SLC6A8: variants seen among roughly 807,000 people sequenced by gnomAD.
SLC6A8 encodes sodium- and chloride-dependent creatine transporter 1.
Under a neutral mutation model 48.3 loss-of-function variants are expected in SLC6A8, and 6 were observed. The ratio of observed to expected loss-of-function variants is 0.12; its 90% CI spans 0.07 to 0.25. SLC6A8 has a LOEUF of 0.25. Among genes scored for constraint, SLC6A8 ranks in the 10% least tolerant of loss-of-function variants. The pLI, the probability that SLC6A8 is intolerant of heterozygous loss-of-function variation, is 1.00. For missense variants in SLC6A8, 260 were observed against 551.5 expected (o/e 0.47, Z 5.29); for synonymous variants, 245 against 244.0 (o/e 1.00, Z -0.04).
chrX:153,695,433 C>G lies in SLC6A8; in HGVS notation c.*219C>G. 2.3e-6 allele frequency: 1 copy of G among 440,987 alleles called. No individual in the cohort carries two copies. Among genetic ancestry groups the G allele is most frequent in the Non-Finnish European group, 4.0e-6 (1 of 250,214 alleles). The allele number at this position is 440,987 out of a possible 1,213,427, so 36.3% of individuals were successfully genotyped here. On this transcript the variant is annotated 3_prime_UTR_variant, in exon 13 of 13. Coordinates refer to ENST00000253122, the MANE Select transcript of SLC6A8 (RefSeq NM_005629.4). ...CCCACCAAAAATAGATGCCTCTCCC[C>G]CTCCAGCCCTAGCCGAGCTGGTCCT...
In SLC6A8 at chrX:153,694,905, G is replaced by A. The variant is rs781867197; in HGVS notation, c.1767+16G>A. The A allele has an allele frequency of 2.7e-4, 98 of 364,089 alleles. No homozygotes were observed. The highest frequency in any genetic ancestry group is 3.6e-4 in the Non-Finnish European group (84 of 230,525). The allele number at this position is 364,089 out of a possible 1,213,427, so 30.0% of individuals were successfully genotyped here. A position where few individuals can be genotyped will look rare whatever the true frequency, so the allele number is the denominator to read the frequency against. On this transcript the variant is annotated intron_variant, in intron 12 of 12. Coordinates refer to ENST00000253122, the MANE Select transcript of SLC6A8 (RefSeq NM_005629.4). ...CATGGCTGAGGTAAGGCTCCCGCCC[G>A]GCCCGCCCTCCCCTCCCCTGCTGTG... is the stretch of plus-strand genomic sequence containing the variant.
At chrX:153,688,954 G>A in intron 1 of SLC6A8, 118 bp downstream of exon 1, 1 of 285,282 alleles carries the variant, frequency 3.5e-6, no homozygotes, top group African/African-American at 2.9e-5. Flanking sequence ...GGGCACGCGG[G>A]GGTCGGGGCC....
In SLC6A8 at chrX:153,696,059, A is replaced by G. The variant is rs2091489835; in HGVS notation, c.*845A>G. On this transcript the variant is annotated 3_prime_UTR_variant, in exon 13 of 13. Transcript: ENST00000253122. ...CTTACCCCTCTGCCCCTAGCCAAGG[A>G]GTGTGAATTTATAGATCTAACTTTC... 1 of 167,075 alleles carries G rather than the reference A, an allele frequency of 6.0e-6. No individual in the cohort carries two copies. Among genetic ancestry groups the G allele is most frequent in the African/African-American group, 3.1e-5 (1 of 32,401 alleles). 13.8% of individuals were successfully genotyped at this position (167,075 alleles called of 1,213,427 possible).
chrX:153,690,683 T>C (rs2091450357), intron 2 of SLC6A8, 177 bp downstream of exon 2: 1 of 519,239 alleles, frequency 1.9e-6, no homozygotes, highest in East Asian at 3.8e-5. Context: ...AAGCGGGGAC[T>C]AGAGGGGGCA....
chrX:153,688,584 A>G lies in SLC6A8; in HGVS notation c.10A>G (p.Lys4Glu). The G allele has an allele frequency of 1.9e-6, 2 of 1,037,112 alleles. No individual in the cohort carries two copies. Among genetic ancestry groups the G allele is most frequent in the Non-Finnish European group, 2.5e-6 (2 of 802,971 alleles). 85.5% of individuals were successfully genotyped at this position (1,037,112 alleles called of 1,213,427 possible). MAK[K>E]SAENGIYSVS... is the part of the protein sequence containing the mutation. ...GCGGCCCGCCGAGGCCATGGCGAAG[A>G]AGAGCGCCGAGAACGGCATCTATAG... The change falls in exon 1 of 13, where the codon AAG becomes GAG. Residue 4 changes from lysine (K) to glutamate (E), a missense_variant. Lys to Glu is a moderately conservative substitution (Grantham distance 56). Coordinates refer to ENST00000253122, the MANE Select transcript of SLC6A8 (RefSeq NM_005629.4).
chrX:153,695,047 G>A (rs1557045804), intron 12 of SLC6A8, 27 bp from the exon 13 acceptor site: 1 of 1,190,168 alleles, frequency 8.4e-7, no homozygotes, highest in Admixed American at 2.3e-5. Context: ...GACCCTGGGG[G>A]CTTCAGCATG....
intron 2 of SLC6A8, 107 bp downstream of exon 2, chrX:153,690,613 C>T (rs1178182487): frequency 1.9e-5 from 17 of 900,427 alleles, no homozygotes; most frequent in East Asian, 3.4e-5. Flanking sequence ...CACGTGATGG[C>T]GTCCCAGTCT....
At position 153,695,414 on chromosome X, in the gene SLC6A8, A is replaced by C. The variant is rs2091484755; in HGVS notation, c.*200A>C. The C allele has an allele frequency of 2.2e-6, 1 of 460,658 alleles. No individual in the cohort carries two copies. Among genetic ancestry groups the C allele is most frequent in the Non-Finnish European group, 3.8e-6 (1 of 262,313 alleles). The allele number at this position is 460,658 out of a possible 1,213,427, so 38.0% of individuals were successfully genotyped here. On this transcript the variant is annotated 3_prime_UTR_variant, in exon 13 of 13. Coordinates refer to ENST00000253122, the MANE Select transcript of SLC6A8 (RefSeq NM_005629.4). ...AACGCCAAAAATATCACAACCCACC[A>C]AAAATAGATGCCTCTCCCCCTCCAG... is the stretch of plus-strand genomic sequence containing the variant.
Position 153,696,355 on chromosome X carries a change from G to C in SLC6A8, c.*1141G>C. 2 of 331,278 alleles carry C rather than the reference G, an allele frequency of 6.0e-6. No individual in the cohort carries two copies. Among genetic ancestry groups the C allele is most frequent in the Non-Finnish European group, 1.2e-5 (2 of 169,879 alleles). The allele number at this position is 331,278 out of a possible 1,213,427, so 27.3% of individuals were successfully genotyped here. On this transcript the variant is annotated 3_prime_UTR_variant, in exon 13 of 13. Coordinates refer to ENST00000253122, the MANE Select transcript of SLC6A8 (RefSeq NM_005629.4). ...ACCCTGGACACGGCTCCCACGTCCA[G>C]GCTTAAGGTGGATGCACTTCCCGCA...
rs782777409 is a variant in SLC6A8, at chrX:153,688,781, C to T, written c.207C>T (p.Ala69=). 3 of 1,140,918 alleles carry T rather than the reference C, an allele frequency of 2.6e-6. No homozygotes were observed. Among genetic ancestry groups the T allele is most frequent in the Admixed American group, 2.5e-5 (1 of 39,810 alleles). The allele number at this position is 1,140,918 out of a possible 1,213,427, so 94.0% of individuals were successfully genotyped here. Residue 69 remains alanine (A), a synonymous_variant, in exon 1 of 13, where the codon GCC becomes GCT. Transcript: ENST00000253122. The part of the protein sequence containing the change: ...MDFIMSCVGF[A]VGLGNVWRFP... ...TCATCATGTCGTGCGTGGGCTTCGC[C>T]GTGGGCTTGGGCAACGTGTGGCGCT...
Position 153,693,531 on chromosome X carries a change from C to A in SLC6A8, c.1086C>A (p.Ile362=). Residue 362 remains isoleucine, a synonymous_variant, in exon 7 of 13, where the codon ATC becomes ATA. Transcript: ENST00000253122. The part of the protein sequence containing the change: ...SFFAGFVVFS[I]LGFMAAEQGV... ...TTGCTGGCTTCGTGGTCTTCTCCAT[C>A]CTGGGCTTCATGGCTGCAGAGCAGG... 2.5e-6 allele frequency: 3 copies of A among 1,210,816 alleles called. No homozygotes were observed. The highest frequency in any genetic ancestry group is 3.5e-5 in the African/African-American group (2 of 57,831).
chrX:153,695,339 G>A lies in SLC6A8; in HGVS notation c.*125G>A, dbSNP rs1947589701. On this transcript the variant is annotated 3_prime_UTR_variant, in exon 13 of 13. Transcript: ENST00000253122. Reference sequence around the variant, plus strand: ...TTGGGGTCTGCCTGGGGGAGGAGGGGAGAAAGCACCATGAGTGCTCACTAA... The same window carrying A: ...TTGGGGTCTGCCTGGGGGAGGAGGGAAGAAAGCACCATGAGTGCTCACTAA... The A allele has an allele frequency of 1.4e-6, 1 of 720,865 alleles. No individual in the cohort carries two copies. Among genetic ancestry groups the A allele is most frequent in the Non-Finnish European group, 2.1e-6 (1 of 471,304 alleles). 59.4% of individuals were successfully genotyped at this position (720,865 alleles called of 1,213,427 possible).
Position 153,688,670 on chromosome X carries a change from C to A in SLC6A8, c.96C>A (p.Ala32=). The A allele has an allele frequency of 9.2e-7, 1 of 1,087,036 alleles. No individual in the cohort carries two copies. The highest frequency in any genetic ancestry group is 3.3e-5 in the Admixed American group (1 of 30,112). 89.6% of individuals were successfully genotyped at this position (1,087,036 alleles called of 1,213,427 possible). Residue 32 remains alanine (A), a synonymous_variant, in exon 1 of 13, where the codon GCC becomes GCA. Coordinates refer to ENST00000253122, the MANE Select transcript of SLC6A8 (RefSeq NM_005629.4). The part of the protein sequence containing the change: ...LIAPGPDGAP[A]KGDGPVGLGT... ...CGCCCGGGCCCGACGGGGCCCCGGCCAAGGGCGACGGCCCCGTGGGCCTGG... is the reference window on the plus strand; with the variant it reads ...CGCCCGGGCCCGACGGGGCCCCGGCAAAGGGCGACGGCCCCGTGGGCCTGG...
At position 153,695,426 on chromosome X, in the gene SLC6A8, C is replaced by G. The variant is rs1419448761; in HGVS notation, c.*212C>G. On this transcript the variant is annotated 3_prime_UTR_variant, in exon 13 of 13. Coordinates refer to ENST00000253122, the MANE Select transcript of SLC6A8 (RefSeq NM_005629.4). ...ATCACAACCCACCAAAAATAGATGC[C>G]TCTCCCCCTCCAGCCCTAGCCGAGC... The G allele has an allele frequency of 9.0e-6, 4 of 446,707 alleles. No individual in the cohort carries two copies. The highest frequency in any genetic ancestry group is 1.6e-5 in the Non-Finnish European group (4 of 254,103). 36.8% of individuals were successfully genotyped at this position (446,707 alleles called of 1,213,427 possible).
rs1392638878 is a variant in SLC6A8 at position 153,695,831 on chromosome X, G to GT, written c.*618dup. 1.5e-5 allele frequency: 2 copies of GT among 136,017 alleles called. No homozygotes were observed. The highest frequency in any genetic ancestry group is 6.3e-5 in the African/African-American group (2 of 31,623). 11.2% of individuals were successfully genotyped at this position (136,017 alleles called of 1,213,427 possible). Reference sequence around the variant, plus strand: ...AGCTTGGGTGCGAGTGCACGCGTGCGTGAGTACGGAGAGTATATATAGATC... The same window carrying GT: ...AGCTTGGGTGCGAGTGCACGCGTGCGTTGAGTACGGAGAGTATATATAGATC... On this transcript the variant is annotated 3_prime_UTR_variant, in exon 13 of 13. Coordinates refer to ENST00000253122, the MANE Select transcript of SLC6A8 (RefSeq NM_005629.4).
At position 153,688,636 on chromosome X, in the gene SLC6A8, C is replaced by T; in HGVS notation, c.62C>T (p.Pro21Leu). The T allele has an allele frequency of 9.3e-7, 1 of 1,080,874 alleles. No individual in the cohort carries two copies. Among genetic ancestry groups the T allele is most frequent in the Non-Finnish European group, 1.2e-6 (1 of 827,017 alleles). The allele number at this position is 1,080,874 out of a possible 1,213,427, so 89.1% of individuals were successfully genotyped here. Reference protein sequence around the residue: ...YSVSGDEKKGPLIAPGPDGAP... With the variant: ...YSVSGDEKKGLLIAPGPDGAP... ...GTGTCCGGCGACGAGAAGAAGGGCC[C>T]CCTCATCGCGCCCGGGCCCGACGGG... The change falls in exon 1 of 13, where the codon CCC (proline) becomes CTC (leucine). Residue 21 changes from proline to leucine, a missense_variant. Pro to Leu is a moderately conservative substitution (Grantham distance 98, BLOSUM62 -3). Transcript: ENST00000253122.
chrX:153,694,600 G>T lies in SLC6A8; in HGVS notation c.1563G>T (p.Trp521Cys). 8.3e-7 allele frequency: 1 copy of T among 1,208,114 alleles called. No individual in the cohort carries two copies. The highest frequency in any genetic ancestry group is 1.1e-6 in the Non-Finnish European group (1 of 893,576). ...ACCGACCTTGCCCCTGGATGAAATG[G>T]TGCTGGTCCTTCTTCACCCCGCTGG... is the stretch of plus-strand genomic sequence containing the variant. Reference protein sequence around the residue: ...IGYRPCPWMKWCWSFFTPLVC... With the variant: ...IGYRPCPWMKCCWSFFTPLVC... The change falls in exon 11 of 13, where the codon TGG becomes TGT. Residue 521 changes from tryptophan (W) to cysteine (C), a missense_variant. Physicochemically the swap from Trp to Cys is radical, Grantham distance 215. Transcript: ENST00000253122.
intron 4 of SLC6A8, 168 bp from the exon 5 acceptor site, chrX:153,692,873 G>A (rs1317120894): frequency 1.5e-6 from 1 of 650,743 alleles, no homozygotes; most frequent in East Asian, 3.6e-5. Context: ...ACTTGGCCAG[G>A]GCTGCCGGGG....
rs1269382920 is a variant in SLC6A8 at position 153,689,600 on chromosome X, G to C, written c.262+764G>C. 6.9e-6 allele frequency: 5 copies of C among 725,083 alleles called. No homozygotes were observed. The Admixed American group carries it at 3.5e-4, about 50-fold the overall frequency. 59.8% of individuals were successfully genotyped at this position (725,083 alleles called of 1,213,427 possible). On this transcript the variant is annotated intron_variant, in intron 1 of 12. Transcript: ENST00000253122. Reference sequence around the variant, plus strand: ...GAAGGATGCTGGGACCTGGAGTCAGGCAAGTTGCAGCCAAGCTCAGCCTCT... The same window carrying C: ...GAAGGATGCTGGGACCTGGAGTCAGCCAAGTTGCAGCCAAGCTCAGCCTCT...
Sources: gnomAD v4.1 joint callset for allele counts on GRCh38, gnomAD v4.1.1 for gene constraint, MANE v1.5 for transcripts, NCBI Gene and HGNC (gene_info 2026-07-23, HGNC 2026-07-21) for gene names.